The following CRTAM variants were observed in gnomAD, a reference collection of about 807,000 sequenced individuals.
The protein encoded by CRTAM is cytotoxic and regulatory T cell molecule.
Under a neutral mutation model 50.0 loss-of-function variants are expected in CRTAM, and 44 were observed. That is an observed-to-expected ratio of 0.88 (90% confidence interval 0.69 to 1.13). The LOEUF is 1.13. Ranked by LOEUF, CRTAM falls within the 50% of genes most tolerant of loss-of-function variation. The pLI, the probability that CRTAM is intolerant of heterozygous loss-of-function variation, is 0.00. For missense variants in CRTAM, 448 were observed against 457.5 expected (o/e 0.98, Z 0.19); for synonymous variants, 159 against 169.3 (o/e 0.94, Z 0.47).
chr11:122,855,666 A>G (rs761662510), intron 4 of CRTAM, 29 bp from the exon 5 acceptor site: 17 of 1,604,294 alleles, frequency 1.1e-5, no homozygotes, highest in Admixed American at 5.1e-5. Flanking sequence ...AGCATTAAAT[A>G]GCCATAACCT....
chr11:122,863,924 A>C (rs1209174503), intron 6 of CRTAM, among the ~76,000 whole-genome samples: 5 of 152,172 alleles, frequency 3.3e-5, no homozygotes, highest in Non-Finnish European at 5.9e-5. Flanking sequence ...GCGCTGTGCA[A>C]TGGACTAAAA....
intron 6 of CRTAM, among the ~76,000 whole-genome samples, chr11:122,863,315 GAA>G (rs1862117735): frequency 9.9e-6 from 1 of 100,508 alleles, no homozygotes; most frequent in Admixed American, 9.6e-5. Flanking sequence ...AGAAAAGAAA[GAA>G]AGAAAAAGAA....
At chr11:122,848,583 A>T (rs760200138) in intron 1 of CRTAM, among the ~76,000 whole-genome samples, 1 of 152,236 alleles carries the variant, frequency 6.6e-6, no homozygotes, top group Non-Finnish European at 1.5e-5. Flanking sequence ...TTTCTGCTAG[A>T]GGCTAGATTC....
At chr11:122,862,179 A>C (rs893202532) in intron 5 of CRTAM, 10 of 409,602 alleles carry the variant, frequency 2.4e-5, no homozygotes, top group African/African-American at 1.4e-4. Context: ...TGATTGATGG[A>C]TAGAAGGACA....
chr11:122,871,386 A>G lies in CRTAM; in HGVS notation c.1169A>G (p.Glu390Gly). ...KLEEKHIQVPESIV is the reference protein window; with the variant it reads ...KLEEKHIQVPGSIV ...GAAGAAAAGCACATCCAAGTACCAG[A>G]GAGTATTGTGTAGTGCTCTCTGCAA... Residue 390 changes from glutamate to glycine, a missense_variant, in exon 10 of 10, where the codon GAG becomes GGG. Glu to Gly is a moderately conservative substitution (Grantham distance 98). Transcript: ENST00000227348. The G allele has an allele frequency of 6.2e-7, 1 of 1,613,588 alleles. No homozygotes were observed. Among genetic ancestry groups the G allele is most frequent in the East Asian group, 2.2e-5 (1 of 44,856 alleles).
intron 1 of CRTAM, among the ~76,000 whole-genome samples, chr11:122,849,309 C>T (rs1044270358): frequency 2.0e-5 from 3 of 152,342 alleles, no homozygotes; most frequent in South Asian, 4.1e-4. Context: ...TACATAAACA[C>T]GGCCTTTGCC....
At chr11:122,843,369 G>A (rs767332312) in intron 1 of CRTAM, among the ~76,000 whole-genome samples, 25 of 152,236 alleles carry the variant, frequency 1.6e-4, no homozygotes, top group South Asian at 8.3e-4. Flanking sequence ...ATTCAGTCAC[G>A]GAGATAATGA....
chr11:122,850,273 C>T, intron 2 of CRTAM, 59 bp downstream of exon 2: 1 of 1,497,370 alleles, frequency 6.7e-7, no homozygotes, highest in Non-Finnish European at 9.0e-7. Context: ...GTTTTTCCAG[C>T]CGGACAGTTT....
chr11:122,843,759 G>A (rs1861827481), intron 1 of CRTAM, among the ~76,000 whole-genome samples: 1 of 152,236 alleles, frequency 6.6e-6, no homozygotes, highest in South Asian at 2.1e-4. Flanking sequence ...GTGGCAATGA[G>A]AAGACCCTGG....
At chr11:122,856,428 T>C (rs1862008858) in intron 5 of CRTAM, among the ~76,000 whole-genome samples, 1 of 152,256 alleles carries the variant, frequency 6.6e-6, no homozygotes. Flanking sequence ...CTCTATTCTA[T>C]GATTCTTTCC....
At chr11:122,861,313 AT>A (rs1211122378) in intron 5 of CRTAM, among the ~76,000 whole-genome samples, 1 of 147,302 alleles carries the variant, frequency 6.8e-6, no homozygotes, top group African/African-American at 2.5e-5. Context: ...GCACTCACAA[AT>A]TTTATAAAAA....
chr11:122,871,284 G>A lies in CRTAM; in HGVS notation c.1067G>A (p.Arg356His), dbSNP rs773053417. 6.8e-6 allele frequency: 11 copies of A among 1,612,630 alleles called. No individual in the cohort carries two copies. The highest frequency in any genetic ancestry group is 9.3e-6 in the Non-Finnish European group (11 of 1,179,402). ...EKNGQSSHPM[R>H]CMNYITKLYS... Reference sequence around the variant, plus strand: ...TTTCTTTCAGCTTCCCACCCTATGCGTTGCATGAACTACATCACAAAGTTG... The same window carrying A: ...TTTCTTTCAGCTTCCCACCCTATGCATTGCATGAACTACATCACAAAGTTG... Residue 356 changes from arginine (R) to histidine (H), a missense_variant, in exon 10 of 10, where the codon CGT becomes CAT. Transcript: ENST00000227348.
At chr11:122,860,985 T>C (rs1281486619) in intron 5 of CRTAM, among the ~76,000 whole-genome samples, 1 of 152,164 alleles carries the variant, frequency 6.6e-6, no homozygotes, top group Non-Finnish European at 1.5e-5. Flanking sequence ...GCATGAACCA[T>C]TGTGCCCGGC....
intron 8 of CRTAM, 26 bp from the exon 9 acceptor site, chr11:122,867,987 A>C: frequency 4.4e-6 from 6 of 1,368,022 alleles, no homozygotes; most frequent in Non-Finnish European, 6.3e-6. Flanking sequence ...ATCAGAAATT[A>C]GTTGCTTGAT....
Position 122,854,090 on chromosome 11 carries a change from A to C in CRTAM, c.490+4A>C, listed in dbSNP as rs764132168. 6.2e-7 allele frequency: 1 copy of C among 1,608,124 alleles called. No individual in the cohort carries two copies. The highest frequency in any genetic ancestry group is 1.1e-5 in the South Asian group (1 of 89,456). On this transcript the variant is annotated splice_donor_region_variant and intron_variant, in intron 4 of 9. Coordinates refer to ENST00000227348, the MANE Select transcript of CRTAM (RefSeq NM_019604.4). ...GGGAATAGCATGGAAGTGTCCGGTAAGGGGAGAAATGGTTCTCTTTGTCTT... is the reference window on the plus strand; with the variant it reads ...GGGAATAGCATGGAAGTGTCCGGTACGGGGAGAAATGGTTCTCTTTGTCTT...
intron 7 of CRTAM, among the ~76,000 whole-genome samples, chr11:122,866,760 C>T (rs1862180266): frequency 6.6e-6 from 1 of 152,036 alleles, no homozygotes; most frequent in Non-Finnish European, 1.5e-5. Flanking sequence ...TGCACCACTG[C>T]TCCTGGCTAA....
At position 122,872,428 on chromosome 11, in the gene CRTAM, G is replaced by T. The variant is rs1432365330; in HGVS notation, c.*1029G>T. 6.6e-6 allele frequency: 1 copy of T among 152,578 alleles called. No individual in the cohort carries two copies. Among genetic ancestry groups the T allele is most frequent in the African/African-American group, 2.4e-5 (1 of 41,430 alleles). The allele number at this position is 152,578 out of a possible 1,614,324, so 9.5% of individuals were successfully genotyped here. ...TGAATTTACTGATTATTGACCTAAT[G>T]GATGGCTTTTTAAAATGTTTTAATA... On this transcript the variant is annotated 3_prime_UTR_variant, in exon 10 of 10. Transcript: ENST00000227348.
chr11:122,868,799 G>A (rs1862216456), intron 9 of CRTAM, among the ~76,000 whole-genome samples: 1 of 152,142 alleles, frequency 6.6e-6, no homozygotes, highest in African/African-American at 2.4e-5. Context: ...ACGAGGTCAG[G>A]AGATCGAGAC....
At chr11:122,846,621 T>C (rs1356952871) in intron 1 of CRTAM, among the ~76,000 whole-genome samples, 1 of 115,392 alleles carries the variant, frequency 8.7e-6, no homozygotes. Context: ...TTCTAACACC[T>C]CTGTCTGTCT....
Sources: allele counts gnomAD v4.1 joint callset (sites outside exome capture counted in the v4.1 genomes callset), GRCh38; gene constraint gnomAD v4.1.1; transcripts MANE v1.5; gene names NCBI Gene and HGNC (gene_info 2026-07-23, HGNC 2026-07-21).